Variants in MAL2 observed in about 807,000 individuals in gnomAD.
The protein encoded by MAL2 is protein MAL2.
A neutral mutation model predicts 18.1 loss-of-function variants in MAL2; 17 were observed. That is an observed-to-expected ratio of 0.94 (90% CI 0.64 to 1.41). The LOEUF is 1.41. Ranked by LOEUF, MAL2 falls within the 40% of genes most tolerant of loss-of-function variation. The probability of loss-of-function intolerance (pLI) is 0.00; values close to 1 mark genes in which losing one functional copy is unlikely to be tolerated. For synonymous variants in MAL2, 102 were observed against 102.3 expected, an observed-to-expected ratio of 1.00 and a Z score of 0.02; for missense variants, 222 against 231.9, an observed-to-expected ratio of 0.96 and a Z score of 0.28.
At position 119,244,864 on chromosome 8, in the gene MAL2, G is replaced by A. The variant is rs17787689; in HGVS notation, c.*1376G>A. 10,407 of 152,660 alleles carry A rather than the reference G, an allele frequency of 0.068. 442 individuals carry two copies. The highest frequency in any genetic ancestry group is 0.092 in the Non-Finnish European group (6,284 of 68,016). The allele number at this position is 152,660 out of a possible 1,614,324, so 9.5% of individuals were successfully genotyped here. A position where few individuals can be genotyped will look rare whatever the true frequency, so the allele number is the denominator to read the frequency against. ...CAAACTGTTTTGAATGGAAGGACAA[G>A]TAAGAGTGAGGCCACAGTTCCCACC... On this transcript the variant is annotated 3_prime_UTR_variant, in exon 4 of 4. Transcript: ENST00000614891.
intron 2 of MAL2, among the ~76,000 whole-genome samples, chr8:119,231,910 T>C (rs1437165959): frequency 1.3e-5 from 2 of 151,988 alleles, no homozygotes; most frequent in Admixed American, 6.6e-5. Context: ...TACCAGGGTA[T>C]GGGGTGATGG....
chr8:119,235,680 A>ACTT, intron 2 of MAL2, among the ~76,000 whole-genome samples: 1 of 151,644 alleles, frequency 6.6e-6, no homozygotes, highest in African/African-American at 2.4e-5. Context: ...AGAATTTCAT[A>ACTT]TCCAGCCAAA....
At chr8:119,221,491 A>G (rs996399216) in intron 1 of MAL2, 96 bp from the exon 2 acceptor site, 2 of 1,466,518 alleles carry the variant, frequency 1.4e-6, no homozygotes, top group Non-Finnish European at 1.9e-6. Flanking sequence ...CTGGGAGGAA[A>G]ATGAAGGCAA....
intron 1 of MAL2, among the ~76,000 whole-genome samples, chr8:119,211,007 G>C (rs1279778583): frequency 6.6e-6 from 1 of 152,156 alleles, no homozygotes; most frequent in African/African-American, 2.4e-5. Context: ...GGACTGTTTA[G>C]AGATATTGGT....
rs1322986073 is a variant in MAL2, at chr8:119,208,714, G to A, written c.132+110G>A. The A allele has an allele frequency of 3.3e-6, 4 of 1,212,216 alleles. No homozygotes were observed. The highest frequency in any genetic ancestry group is 8.7e-5 in the Admixed American group (2 of 22,934). The allele number at this position is 1,212,216 out of a possible 1,614,324, so 75.1% of individuals were successfully genotyped here. A position where few individuals can be genotyped will look rare whatever the true frequency, so the allele number is the denominator to read the frequency against. Reference sequence around the variant, plus strand: ...GTCCGCCCCCGGCCTCCTTCCCTTCGACGTGGCTTTGTCCTGCGCTCCCTC... The same window carrying A: ...GTCCGCCCCCGGCCTCCTTCCCTTCAACGTGGCTTTGTCCTGCGCTCCCTC... On this transcript the variant is annotated intron_variant, in intron 1 of 3. Transcript: ENST00000614891. The surrounding 1 kb of genome is among the most constrained non-coding windows in gnomAD (Gnocchi z 4.3).
At chr8:119,234,158 G>T (rs533528407) in intron 2 of MAL2, among the ~76,000 whole-genome samples, 8 of 152,286 alleles carry the variant, frequency 5.3e-5, no homozygotes, top group Admixed American at 5.2e-4. Context: ...AAGCGCAAGG[G>T]GTCAGAGAGT....
At chr8:119,240,092 A>C (rs1818014333) in intron 2 of MAL2, 73 bp from the exon 3 acceptor site, 1 of 1,470,716 alleles carries the variant, frequency 6.8e-7, no homozygotes, top group African/African-American at 1.4e-5. Flanking sequence ...CTAAACCTAA[A>C]CTTCATTATT....
intron 1 of MAL2, among the ~76,000 whole-genome samples, chr8:119,209,379 G>A (rs2129763548): frequency 6.6e-6 from 1 of 152,238 alleles, no homozygotes; most frequent in East Asian, 1.9e-4. Flanking sequence ...AAGTAAAGGT[G>A]GGGTTACCTG....
intron 2 of MAL2, among the ~76,000 whole-genome samples, chr8:119,222,575 C>G (rs187883082): frequency 6.6e-6 from 1 of 151,036 alleles, no homozygotes; most frequent in Non-Finnish European, 1.5e-5. Context: ...TGCCTATAGT[C>G]CCAGGACTTT....
At chr8:119,242,875 A>C (rs79066417) in intron 3 of MAL2, among the ~76,000 whole-genome samples, 1 of 152,222 alleles carries the variant, frequency 6.6e-6, no homozygotes, top group Non-Finnish European at 1.5e-5. Context: ...GTGCTGAAGA[A>C]ATTCTCATTA....
intron 2 of MAL2, among the ~76,000 whole-genome samples, chr8:119,230,603 A>C (rs893125567): frequency 6.6e-6 from 1 of 152,124 alleles, no homozygotes; most frequent in African/African-American, 2.4e-5. Flanking sequence ...AATGGTAGAG[A>C]AATTAAGGGA....
chr8:119,228,066 A>G (rs541504422), intron 2 of MAL2, among the ~76,000 whole-genome samples: 2 of 152,256 alleles, frequency 1.3e-5, no homozygotes, highest in South Asian at 2.1e-4. Context: ...CCTGAGGTCT[A>G]CATATAATTC....
intron 2 of MAL2, among the ~76,000 whole-genome samples, chr8:119,228,523 G>A (rs1817644198): frequency 6.6e-6 from 1 of 152,016 alleles, no homozygotes; most frequent in Non-Finnish European, 1.5e-5. Context: ...ACAGACTAGT[G>A]CCTCCAAGCT....
chr8:119,237,832 A>G (rs1427482683), intron 2 of MAL2, among the ~76,000 whole-genome samples: 1 of 152,118 alleles, frequency 6.6e-6, no homozygotes. Flanking sequence ...AGCCAATATC[A>G]TACTGAATGG....
chr8:119,216,174 A>G (rs994701613), intron 1 of MAL2, among the ~76,000 whole-genome samples: 1 of 152,138 alleles, frequency 6.6e-6, no homozygotes. Context: ...ATTCTGATGA[A>G]AGGTGTGGAC....
chr8:119,210,840 A>C (rs945996333), intron 1 of MAL2, among the ~76,000 whole-genome samples: 3 of 152,172 alleles, frequency 2.0e-5, no homozygotes, highest in African/African-American at 7.2e-5. Context: ...CAATAAGTTT[A>C]CATTTTAGGC....
intron 2 of MAL2, among the ~76,000 whole-genome samples, chr8:119,239,588 C>T (rs1299320126): frequency 1.3e-5 from 2 of 151,722 alleles, no homozygotes; most frequent in African/African-American, 2.4e-5. Context: ...TACTATGCAG[C>T]CATAAAAAAT....
chr8:119,211,871 C>T (rs987720846), intron 1 of MAL2, among the ~76,000 whole-genome samples: 14 of 152,044 alleles, frequency 9.2e-5, no homozygotes, highest in South Asian at 8.3e-4. Context: ...TGGAAGCCAT[C>T]ACCTTCAAAA....
intron 2 of MAL2, among the ~76,000 whole-genome samples, chr8:119,233,392 G>GT (rs1375669651): frequency 1.3e-5 from 2 of 152,094 alleles, no homozygotes; most frequent in East Asian, 1.9e-4. Context: ...CCAGGAGCTG[G>GT]TTTTTTGAAA....
Sources: allele counts gnomAD v4.1 joint callset (sites outside exome capture counted in the v4.1 genomes callset), GRCh38; gene constraint gnomAD v4.1.1; non-coding constraint Gnocchi (gnomAD v3.1); transcripts MANE v1.5; gene names NCBI Gene and HGNC (gene_info 2026-07-23, HGNC 2026-07-21).